The following CCDC141 variants were observed in gnomAD, a reference collection of about 807,000 sequenced individuals.
CCDC141 encodes coiled-coil domain containing 141.
CCDC141 carries 168 observed loss-of-function variants against 181.0 expected under a neutral mutation model. The ratio of observed to expected loss-of-function variants is 0.93; its 90% CI spans 0.82 to 1.05. The LOEUF (loss-of-function observed/expected upper bound fraction) is 1.05. Among genes scored for constraint, CCDC141 ranks in the 50% least tolerant of loss-of-function variants. CCDC141 has a pLI of 0.00. For missense variants in CCDC141, 1,902 were observed against 1,788.5 expected (o/e 1.06, Z -1.14); for synonymous variants, 666 against 642.3 (o/e 1.04, Z -0.56).
intron 6 of CCDC141, among the ~76,000 whole-genome samples, chr2:178,942,417 C>T (rs183090384): frequency 1.8e-4 from 28 of 152,196 alleles, no homozygotes; most frequent in Admixed American, 1.8e-3. Flanking sequence ...ACATACTGTA[C>T]GATTCTAACT....
At chr2:178,881,182 T>C (rs992214487) in intron 11 of CCDC141, among the ~76,000 whole-genome samples, 1 of 148,604 alleles carries the variant, frequency 6.7e-6, no homozygotes, top group Non-Finnish European at 1.5e-5. Context: ...GACAGGATTA[T>C]TCCACTTATG....
intron 2 of CCDC141, among the ~76,000 whole-genome samples, chr2:179,027,879 C>A (rs1249262525): frequency 6.6e-6 from 1 of 152,088 alleles, no homozygotes; most frequent in Non-Finnish European, 1.5e-5. Flanking sequence ...ACACCCTCAT[C>A]CCATTGTTCA....
Position 179,050,076 on chromosome 2 carries a change from G to T in CCDC141, c.-135C>A. ...GCTCACACTGATTACTCTGCCAAAA[G>T]GAAAGAACAGGAGGTTAAAAATAGA... On this transcript the variant is annotated 5_prime_UTR_variant, in exon 1 of 24. Coordinates refer to ENST00000443758, the MANE Select transcript of CCDC141 (RefSeq NM_173648.4). 1 of 1,349,408 alleles carries T rather than the reference G, an allele frequency of 7.4e-7. No individual in the cohort carries two copies. The highest frequency in any genetic ancestry group is 9.9e-7 in the Non-Finnish European group (1 of 1,010,772). The allele number at this position is 1,349,408 out of a possible 1,614,324, so 83.6% of individuals were successfully genotyped here.
chr2:179,004,182 TG>T (rs1487857416), intron 2 of CCDC141, among the ~76,000 whole-genome samples: 1 of 152,192 alleles, frequency 6.6e-6, no homozygotes, highest in African/African-American at 2.4e-5. Context: ...TTTTGGGATT[TG>T]TAGTTCCTTT....
Position 178,836,996 on chromosome 2 carries a change from GC to G in CCDC141, c.4222del (p.Ala1408HisfsTer11). The G allele has an allele frequency of 1.2e-6, 2 of 1,613,972 alleles. No individual in the cohort carries two copies. The highest frequency in any genetic ancestry group is 1.7e-4 in the Middle Eastern group (1 of 6,034). ...AGACAGGAGCCTGGAGAAATTAGGT[GC>G]CTGGTCAGCTAGGCTGACCACGCTG... ...KSSVVSLADQ[A>X]PNFSRLLSNV... On this transcript the variant is annotated frameshift_variant, in exon 23 of 24. Transcript: ENST00000443758. LOFTEE classifies it high-confidence loss of function.
intron 2 of CCDC141, among the ~76,000 whole-genome samples, chr2:179,014,142 G>A (rs534351843): frequency 4.6e-5 from 7 of 151,834 alleles, no homozygotes; most frequent in Non-Finnish European, 8.8e-5. Context: ...ACTGATCTTC[G>A]ACAAAGCAAA....
At chr2:178,883,396 C>T (rs1358061661) in intron 11 of CCDC141, among the ~76,000 whole-genome samples, 1 of 151,834 alleles carries the variant, frequency 6.6e-6, no homozygotes, top group African/African-American at 2.4e-5. Context: ...AATATATATA[C>T]CTATGTATCC....
chr2:178,996,618 C>T (rs1692299747), intron 2 of CCDC141, among the ~76,000 whole-genome samples: 1 of 152,112 alleles, frequency 6.6e-6, no homozygotes, highest in Non-Finnish European at 1.5e-5. Context: ...TATTTTCCTA[C>T]TCAAATGACA....
chr2:178,888,587 G>C lies in CCDC141; in HGVS notation c.1347C>G (p.His449Gln). 2 of 1,550,612 alleles carry C rather than the reference G, an allele frequency of 1.3e-6. No individual in the cohort carries two copies. The highest frequency in any genetic ancestry group is 1.7e-4 in the Middle Eastern group (1 of 5,992). Residue 449 changes from histidine to glutamine, a missense_variant, in exon 9 of 24, where the codon CAC (histidine) becomes CAG (glutamine). Transcript: ENST00000443758. ...GTTGTTTCTTAAGAGCATATTCCTT[G>C]TGCGCTGAACACTGTTCGGTCAGAT... ...VDHLTEQCSAHKEYALKKQQL... is the reference protein window; with the variant it reads ...VDHLTEQCSAQKEYALKKQQL...
chr2:178,960,655 G>A (rs755286655), intron 5 of CCDC141, among the ~76,000 whole-genome samples: 2 of 152,072 alleles, frequency 1.3e-5, no homozygotes, highest in South Asian at 2.1e-4. Flanking sequence ...GCACATTGAC[G>A]ACCCATCAGA....
At chr2:178,968,082 T>C (rs1275030014) in intron 4 of CCDC141, among the ~76,000 whole-genome samples, 1 of 152,144 alleles carries the variant, frequency 6.6e-6, no homozygotes, top group African/African-American at 2.4e-5. Flanking sequence ...CCCAGATTCA[T>C]AAAGCAAGTT....
At chr2:178,860,584 G>T (rs1204702651) in intron 17 of CCDC141, among the ~76,000 whole-genome samples, 3 of 126,568 alleles carry the variant, frequency 2.4e-5, no homozygotes, top group African/African-American at 9.7e-5. Flanking sequence ...GTAGAGGCAG[G>T]GTCTCACCAT....
intron 20 of CCDC141, 106 bp downstream of exon 20, chr2:178,853,335 G>A (rs1685244735): frequency 8.4e-6 from 8 of 947,396 alleles, no homozygotes; most frequent in Non-Finnish European, 1.1e-5. Flanking sequence ...ATACACTGGT[G>A]TGCTGAGGAC....
Position 178,846,887 on chromosome 2 carries a change from T to C in CCDC141, c.3358-1145A>G, listed in dbSNP as rs138165810. 1.1e-3 allele frequency among the ~76,000 whole-genome samples: 171 copies of C among 152,326 alleles called. 1 individual carries two copies. Among genetic ancestry groups the C allele is most frequent in the African/African-American group, 3.9e-3 (164 of 41,568 alleles). ...TCAAATTGCTATACATTAGAAAGGA[T>C]TTCTATCACTATTTAAGCCCTGACA... On this transcript the variant is annotated intron_variant, in intron 21 of 23. Transcript: ENST00000443758.
At chr2:179,045,668 C>A (rs2043473410) in intron 2 of CCDC141, among the ~76,000 whole-genome samples, 2 of 151,992 alleles carry the variant, frequency 1.3e-5, no homozygotes, top group South Asian at 4.2e-4. Context: ...TCCTCTCCAG[C>A]ACCTGTTGTT....
At chr2:178,991,692 A>G (rs1692062849) in intron 2 of CCDC141, among the ~76,000 whole-genome samples, 1 of 152,118 alleles carries the variant, frequency 6.6e-6, no homozygotes, top group South Asian at 2.1e-4. Context: ...TAATGTCATC[A>G]ACACAAAGAA....
At chr2:178,908,948 G>A (rs574077663) in intron 7 of CCDC141, among the ~76,000 whole-genome samples, 2 of 152,122 alleles carry the variant, frequency 1.3e-5, no homozygotes, top group Non-Finnish European at 2.9e-5. Flanking sequence ...CTGATTGATT[G>A]AGCCCATCTT....
intron 4 of CCDC141, among the ~76,000 whole-genome samples, chr2:178,973,450 G>A (rs1243798878): frequency 3.3e-5 from 5 of 152,108 alleles, no homozygotes. Context: ...ACACCCAGTG[G>A]ACTCTTGAAG....
chr2:178,863,555 CTGTT>C (rs1216779335), intron 17 of CCDC141, among the ~76,000 whole-genome samples: 1 of 152,148 alleles, frequency 6.6e-6, no homozygotes, highest in Non-Finnish European at 1.5e-5. Flanking sequence ...AAACTGCCAT[CTGTT>C]TGGGCTCTGC....
Sources: allele counts gnomAD v4.1 joint callset (sites outside exome capture counted in the v4.1 genomes callset), GRCh38; gene constraint gnomAD v4.1.1; transcripts MANE v1.5; gene names NCBI Gene and HGNC (gene_info 2026-07-23, HGNC 2026-07-21).